NLN: variants seen among roughly 807,000 people sequenced by gnomAD.
NLN encodes neurolysin, mitochondrial.
NLN carries 64 observed loss-of-function variants against 79.9 expected under a neutral mutation model. That is an observed-to-expected ratio of 0.80 (90% CI 0.65 to 0.99). The LOEUF is 0.99. NLN is among the 50% of genes least tolerant of loss of function. NLN has a pLI of 0.00. For synonymous variants in NLN, 267 were observed against 296.6 expected (o/e 0.90, Z 1.02); for missense variants, 835 against 858.7 (o/e 0.97, Z 0.34).
At chr5:65,766,922 T>C (rs1057392362) in intron 3 of NLN, among the ~76,000 whole-genome samples, 8 of 152,254 alleles carry the variant, frequency 5.3e-5, no homozygotes, top group African/African-American at 1.9e-4. Context: ...TGACTCCATG[T>C]CTCACATCCA....
At chr5:65,786,987 A>G (rs1057289929) in intron 7 of NLN, among the ~76,000 whole-genome samples, 1 of 152,230 alleles carries the variant, frequency 6.6e-6, no homozygotes, top group Non-Finnish European at 1.5e-5. Context: ...ATACAAGAGG[A>G]TGGCTCAGAG....
At chr5:65,731,802 G>C (rs1247876058) in intron 1 of NLN, among the ~76,000 whole-genome samples, 1 of 139,890 alleles carries the variant, frequency 7.1e-6, no homozygotes, top group Non-Finnish European at 1.5e-5. Context: ...CCAGGCTGGA[G>C]TATAGTGGAA....
chr5:65,765,433 G>T (rs977542586), intron 3 of NLN, among the ~76,000 whole-genome samples: 2 of 152,174 alleles, frequency 1.3e-5, no homozygotes, highest in Non-Finnish European at 1.5e-5. Flanking sequence ...CATGAGAATT[G>T]CTTGAACCCG....
At chr5:65,798,499 T>C (rs1760215862) in intron 9 of NLN, among the ~76,000 whole-genome samples, 2 of 152,228 alleles carry the variant, frequency 1.3e-5, no homozygotes, top group African/African-American at 4.8e-5. Flanking sequence ...TATTTATTTC[T>C]AGGTTTCCCT....
chr5:65,762,750 T>C (rs1759365522), intron 2 of NLN, among the ~76,000 whole-genome samples: 1 of 151,944 alleles, frequency 6.6e-6, no homozygotes, highest in Non-Finnish European at 1.5e-5. Context: ...AGTGCTCAGC[T>C]CACATCTTTA....
At chr5:65,807,267 T>C (rs766944535) in intron 9 of NLN, among the ~76,000 whole-genome samples, 2 of 151,300 alleles carry the variant, frequency 1.3e-5, no homozygotes, top group African/African-American at 2.4e-5. Context: ...CCTGATCAGT[T>C]AGCACCCTGA....
chr5:65,799,436 T>C (rs760979666), intron 9 of NLN, among the ~76,000 whole-genome samples: 21 of 152,134 alleles, frequency 1.4e-4, no homozygotes, highest in Non-Finnish European at 2.9e-4. Flanking sequence ...AGGGAAAATA[T>C]CTTTGAGTTG....
chr5:65,736,830 G>A (rs1473405320), intron 1 of NLN, among the ~76,000 whole-genome samples: 1 of 152,118 alleles, frequency 6.6e-6, no homozygotes. Flanking sequence ...ACTAGTCATG[G>A]TGGCTCACGC....
intron 1 of NLN, among the ~76,000 whole-genome samples, chr5:65,752,218 A>G (rs1261385407): frequency 6.7e-6 from 1 of 149,102 alleles, no homozygotes; most frequent in Admixed American, 6.8e-5. Flanking sequence ...AGCCTGGCTG[A>G]GAGAGTGAGA....
chr5:65,756,036 T>C (rs1000939301), intron 1 of NLN, among the ~76,000 whole-genome samples: 1 of 152,154 alleles, frequency 6.6e-6, no homozygotes, highest in Non-Finnish European at 1.5e-5. Flanking sequence ...ATGAATGGCA[T>C]TCTGCTGCTG....
chr5:65,809,294 A>C, intron 9 of NLN: 1 of 399,062 alleles, frequency 2.5e-6, no homozygotes, highest in Non-Finnish European at 4.4e-6. Flanking sequence ...AATTCAAAGG[A>C]ATGAAATTAC....
chr5:65,795,091 G>T (rs1025722345), intron 9 of NLN, among the ~76,000 whole-genome samples: 1 of 152,050 alleles, frequency 6.6e-6, no homozygotes, highest in Non-Finnish European at 1.5e-5. Flanking sequence ...GGTGGTTCAT[G>T]CCTGTAATCC....
rs954889060 is a variant in NLN at position 65,824,097 on chromosome 5, C to A, written c.*1182C>A. The A allele has an allele frequency of 8.6e-5, 13 of 151,938 alleles. No individual in the cohort carries two copies. The highest frequency in any genetic ancestry group is 3.1e-4 in the African/African-American group (13 of 41,426). 9.4% of individuals were successfully genotyped at this position (151,938 alleles called of 1,614,324 possible). On this transcript the variant is annotated 3_prime_UTR_variant, in exon 13 of 13. Transcript: ENST00000380985. ...GATCAGTAAACTCACAGTATTTTTC[C>A]TGTGGAAATCTATTCAATAAGGAAA...
chr5:65,797,363 A>T (rs913898796), intron 9 of NLN, among the ~76,000 whole-genome samples: 1 of 152,246 alleles, frequency 6.6e-6, no homozygotes, highest in African/African-American at 2.4e-5. Context: ...AAATTGTGTG[A>T]CATGAAATCA....
intron 12 of NLN, among the ~76,000 whole-genome samples, chr5:65,817,848 C>T (rs1760701990): frequency 6.6e-6 from 1 of 152,134 alleles, no homozygotes; most frequent in African/African-American, 2.4e-5. Flanking sequence ...AGCTAAGGAT[C>T]CCAGTGCTTG....
rs1395964692 is a variant in NLN, at chr5:65,825,339, A to G, written c.*2424A>G. On this transcript the variant is annotated 3_prime_UTR_variant, in exon 13 of 13. Coordinates refer to ENST00000380985, the MANE Select transcript of NLN (RefSeq NM_020726.5). ...ACACTTTAGATTTATGGACTGAGCC[A>G]CATATAATAAGGTCTCTCCTGGTAA... 1 of 152,150 alleles carries G rather than the reference A, an allele frequency of 6.6e-6. No individual in the cohort carries two copies. Among genetic ancestry groups the G allele is most frequent in the Non-Finnish European group, 1.5e-5 (1 of 68,036 alleles). 9.4% of individuals were successfully genotyped at this position (152,150 alleles called of 1,614,324 possible).
At chr5:65,776,201 T>G (rs1759676219) in intron 3 of NLN, among the ~76,000 whole-genome samples, 1 of 152,170 alleles carries the variant, frequency 6.6e-6, no homozygotes, top group South Asian at 2.1e-4. Context: ...TGCAGTGAGC[T>G]GATAATCGCA....
intron 7 of NLN, among the ~76,000 whole-genome samples, chr5:65,786,897 T>G (rs1422329634): frequency 3.9e-5 from 6 of 152,082 alleles, no homozygotes; most frequent in Non-Finnish European, 5.9e-5. Context: ...AGAGACAAGG[T>G]CTTTTTCTCA....
intron 9 of NLN, chr5:65,792,985 C>T: frequency 1.0e-5 from 4 of 386,294 alleles, no homozygotes; most frequent in Non-Finnish European, 1.5e-5. Context: ...AAAAACTGTG[C>T]TGTAATCTGT....
Sources: allele counts gnomAD v4.1 joint callset (sites outside exome capture counted in the v4.1 genomes callset), GRCh38; gene constraint gnomAD v4.1.1; transcripts MANE v1.5; gene names NCBI Gene and HGNC (gene_info 2026-07-23, HGNC 2026-07-21).